IFIH1: variants seen among roughly 807,000 people sequenced by gnomAD.
IFIH1 encodes interferon induced with helicase C domain 1.
Under a neutral mutation model 107.4 loss-of-function variants are expected in IFIH1, and 125 were observed. That is an observed-to-expected ratio of 1.16 (90% CI 1.01 to 1.35). IFIH1 has a LOEUF of 1.35. Ranked by LOEUF, IFIH1 falls within the 40% of genes most tolerant of loss-of-function variation. The probability of loss-of-function intolerance (pLI) is 0.00; values close to 1 mark genes in which losing one functional copy is unlikely to be tolerated. For synonymous variants in IFIH1, 458 were observed against 413.2 expected (o/e 1.11, Z -1.31); for missense variants, 1,333 against 1,213.7 (o/e 1.10, Z -1.46).
chr2:162,298,806 A>ACACACT (rs1314801988), intron 3 of IFIH1, among the ~76,000 whole-genome samples: 1 of 152,088 alleles, frequency 6.6e-6, no homozygotes. Context: ...ACACACACAC[A>ACACACT]CACACTCACA....
intron 5 of IFIH1, among the ~76,000 whole-genome samples, chr2:162,287,387 A>T: frequency 6.6e-6 from 1 of 151,976 alleles, no homozygotes; most frequent in Non-Finnish European, 1.5e-5. Flanking sequence ...CATATCCCCA[A>T]TTTGTATATT....
intron 6 of IFIH1, among the ~76,000 whole-genome samples, 164 bp from the exon 7 acceptor site, chr2:162,281,709 C>A (rs1312668880): frequency 4.6e-5 from 7 of 151,942 alleles, no homozygotes; most frequent in African/African-American, 1.7e-4. Flanking sequence ...TATACTAGCA[C>A]CTGTACACAC....
intron 3 of IFIH1, among the ~76,000 whole-genome samples, chr2:162,303,763 A>G (rs1200081429): frequency 6.6e-6 from 1 of 152,230 alleles, no homozygotes; most frequent in Non-Finnish European, 1.5e-5. Flanking sequence ...AAAATTTAAA[A>G]AAATTTAAAA....
chr2:162,286,858 G>A (rs572507550), intron 5 of IFIH1, among the ~76,000 whole-genome samples: 41 of 151,972 alleles, frequency 2.7e-4, no homozygotes, highest in Non-Finnish European at 5.3e-4. Context: ...TCATTACTAG[G>A]CCATATATAA....
chr2:162,308,541 C>A (rs1683329568), intron 2 of IFIH1, among the ~76,000 whole-genome samples: 1 of 152,024 alleles, frequency 6.6e-6, no homozygotes, highest in Non-Finnish European at 1.5e-5. Context: ...ACCACCCCAG[C>A]TAATTTTTGT....
chr2:162,267,400 C>G, intron 15 of IFIH1, 21 bp from the exon 16 acceptor site: 1 of 1,613,796 alleles, frequency 6.2e-7, no homozygotes, highest in Non-Finnish European at 8.5e-7. Flanking sequence ...AAAGAGAGAG[C>G]AAGAGGAAAA....
At chr2:162,280,164 T>C (rs773460768) in intron 7 of IFIH1, 52 bp from the exon 8 acceptor site, 11 of 941,214 alleles carry the variant, frequency 1.2e-5, no homozygotes, top group Non-Finnish European at 1.9e-5. Flanking sequence ...CCCTTTCACT[T>C]TATTCAACGT....
chr2:162,268,350 T>C, intron 13 of IFIH1, 73 bp from the exon 14 acceptor site: 1 of 1,013,202 alleles, frequency 9.9e-7, no homozygotes, highest in Non-Finnish European at 1.5e-6. Flanking sequence ...GTAAGTCTCC[T>C]GAAATTTGGA....
At chr2:162,303,265 C>T (rs940512712) in intron 3 of IFIH1, among the ~76,000 whole-genome samples, 6 of 152,142 alleles carry the variant, frequency 3.9e-5, no homozygotes, top group African/African-American at 1.4e-4. Context: ...CAGGCATCTG[C>T]CACCATGCTC....
intron 7 of IFIH1, among the ~76,000 whole-genome samples, chr2:162,280,563 A>G (rs983795366): frequency 6.6e-6 from 1 of 152,016 alleles, no homozygotes; most frequent in African/African-American, 2.4e-5. Context: ...TTCTACACAT[A>G]AAGCAGGCAT....
intron 5 of IFIH1, among the ~76,000 whole-genome samples, chr2:162,285,845 C>T (rs1260446294): frequency 6.6e-6 from 1 of 151,758 alleles, no homozygotes; most frequent in Admixed American, 6.6e-5. Flanking sequence ...AGAAATAAAC[C>T]TAAGTATTTG....
intron 3 of IFIH1, among the ~76,000 whole-genome samples, chr2:162,296,462 C>T (rs528176351): frequency 2.3e-4 from 35 of 152,170 alleles, no homozygotes; most frequent in African/African-American, 5.5e-4. Flanking sequence ...GAAACCAAGG[C>T]GCTGAGAGGT....
chr2:162,302,075 C>G (rs543039541), intron 3 of IFIH1, among the ~76,000 whole-genome samples: 1 of 152,224 alleles, frequency 6.6e-6, no homozygotes, highest in Admixed American at 6.5e-5. Context: ...TGAAATCACT[C>G]TCTAGAACAA....
At chr2:162,309,225 C>T (rs1239200961) in intron 2 of IFIH1, among the ~76,000 whole-genome samples, 11 of 152,190 alleles carry the variant, frequency 7.2e-5, no homozygotes, top group Admixed American at 7.2e-4. Flanking sequence ...GGTTCTAGGG[C>T]TCTGCAAGAC....
intron 13 of IFIH1, 110 bp downstream of exon 13, chr2:162,272,116 C>T: frequency 1.2e-6 from 1 of 850,312 alleles, no homozygotes; most frequent in Non-Finnish European, 1.9e-6. Flanking sequence ...TAAACAGAAA[C>T]TTATAATTCA....
chr2:162,268,215 G>A lies in IFIH1; in HGVS notation c.2679C>T (p.Ala893=), dbSNP rs748568812. 4.3e-6 allele frequency: 7 copies of A among 1,612,218 alleles called. No individual in the cohort carries two copies. The East Asian group carries it at 1.6e-4, about 36-fold the overall frequency. Residue 893 remains alanine, a synonymous_variant, in exon 14 of 16, where the codon GCC becomes GCT. Coordinates refer to ENST00000649979, the MANE Select transcript of IFIH1 (RefSeq NM_022168.4). ...EKKMKTKRNI[A]KHYKNNPSLI... The stretch of plus-strand genomic sequence containing the variant: ...GTGATGGGTTATTCTTGTAATGCTT[G>A]GCAATATTTCTCTTGGTTTTCATTT...
intron 2 of IFIH1, chr2:162,310,114 T>C (rs188976527): frequency 6.6e-6 from 1 of 152,362 alleles, no homozygotes; most frequent in Non-Finnish European, 1.5e-5. Context: ...AAAGTTTTCA[T>C]TAGTTAGGGT....
chr2:162,282,653 G>T, intron 5 of IFIH1, 77 bp from the exon 6 acceptor site: 1 of 868,234 alleles, frequency 1.2e-6, no homozygotes, highest in Non-Finnish European at 1.8e-6. Flanking sequence ...AGGCCTGTTT[G>T]GCATCCAGCA....
Position 162,317,897 on chromosome 2 carries a change from C to T in IFIH1, c.411G>A (p.Lys137=). The change falls in exon 1 of 16, where the codon AAG becomes AAA. Residue 137 remains lysine, a synonymous_variant. Coordinates refer to ENST00000649979, the MANE Select transcript of IFIH1 (RefSeq NM_022168.4). ...TTGTCAACAGTTCCTCCTCCATGCA[C>T]TTATCCAAGACGTCTCTAACTAGAA... ...DKLLVRDVLD[K]CMEEELLTIE... is the part of the protein sequence containing the mutation. 1 of 1,610,234 alleles carries T rather than the reference C, an allele frequency of 6.2e-7. No individual in the cohort carries two copies. Among genetic ancestry groups the T allele is most frequent in the African/African-American group, 1.3e-5 (1 of 74,984 alleles).
Sources: gnomAD v4.1 joint callset for allele counts (sites outside exome capture counted in the v4.1 genomes callset) on GRCh38, gnomAD v4.1.1 for gene constraint, MANE v1.5 for transcripts, NCBI Gene and HGNC (gene_info 2026-07-23, HGNC 2026-07-21) for gene names.